Variants in ANKRD11 observed in about 807,000 individuals in gnomAD.
The protein encoded by ANKRD11 is ankyrin repeat domain 11.
In ANKRD11, 17 loss-of-function variants were observed where a neutral mutation model predicts 195.7. The observed-to-expected ratio is 0.09, with a 90% CI of 0.06 to 0.13. The LOEUF is 0.13. Ranked by LOEUF, ANKRD11 falls within the 10% of genes least tolerant of loss-of-function variation. ANKRD11 has a pLI of 1.00. For missense variants in ANKRD11, 3,735 were observed against 3,566.1 expected, an observed-to-expected ratio of 1.05 and a Z score of -1.21; for synonymous variants, 1,953 against 1,528.1, an observed-to-expected ratio of 1.28 and a Z score of -6.49.
At chr16:89,464,322 A>C (rs2056807493) in intron 1 of ANKRD11, among the ~76,000 whole-genome samples, 1 of 151,972 alleles carries the variant, frequency 6.6e-6, no homozygotes, top group Non-Finnish European at 1.5e-5. Flanking sequence ...GAAAAGAATA[A>C]ATCTGGCAGA....
intron 1 of ANKRD11, among the ~76,000 whole-genome samples, chr16:89,460,218 A>G (rs2056603969): frequency 6.6e-6 from 1 of 152,148 alleles, no homozygotes; most frequent in South Asian, 2.1e-4. Flanking sequence ...AGCCTGGGCA[A>G]CAGACTAAGA....
intron 7 of ANKRD11, chr16:89,287,215 C>T (rs117025797): frequency 2.4e-4 from 177 of 733,922 alleles, no homozygotes; most frequent in Non-Finnish European, 2.9e-4. Context: ...AGGCCAGCAG[C>T]GCAGGTGCGG....
chr16:89,324,980 AG>A (rs1306514915), intron 2 of ANKRD11: 1 of 164,398 alleles, frequency 6.1e-6, no homozygotes, highest in East Asian at 1.9e-4. Flanking sequence ...GTACTGGTGA[AG>A]GGGTGGAGCA....
At chr16:89,482,965 A>C (rs909780941) in intron 1 of ANKRD11, among the ~76,000 whole-genome samples, 3 of 152,216 alleles carry the variant, frequency 2.0e-5, no homozygotes, top group Non-Finnish European at 2.9e-5. Context: ...ATTTTAGCCC[A>C]GGCAGATCAT....
rs549552533 is a variant in ANKRD11 at position 89,358,999 on chromosome 16, A to AT, written c.-59-41922dup. 1.2e-3 allele frequency among the ~76,000 whole-genome samples: 190 copies of AT among 152,124 alleles called. 1 individual carries two copies. The highest frequency in any genetic ancestry group is 0.011 in the Admixed American group (175 of 15,280). On this transcript the variant is annotated intron_variant, in intron 2 of 12. Coordinates refer to ENST00000301030, the MANE Select transcript of ANKRD11 (RefSeq NM_013275.6). ...CACCACCACACCTGGCTAATTTTCT[A>AT]TTTTTTGTAAAGACAAGGCTATACA...
chr16:89,317,368 G>A (rs1355354404), intron 2 of ANKRD11, among the ~76,000 whole-genome samples: 2 of 152,202 alleles, frequency 1.3e-5, no homozygotes, highest in Admixed American at 1.3e-4. Context: ...GTTCTGGGTG[G>A]CAGTCAGCAG....
chr16:89,357,121 T>G (rs2039520384), intron 2 of ANKRD11, among the ~76,000 whole-genome samples: 1 of 152,124 alleles, frequency 6.6e-6, no homozygotes, highest in African/African-American at 2.4e-5. Context: ...AGGGACAGTG[T>G]AAGGAAGGTG....
Position 89,355,867 on chromosome 16 carries a change from T to C in ANKRD11, c.-59-38789A>G, listed in dbSNP as rs997452522. 7.9e-5 allele frequency among the ~76,000 whole-genome samples: 12 copies of C among 151,834 alleles called. No homozygotes were observed. In the East Asian group the frequency reaches 2.1e-3, roughly 27 times the overall value. On this transcript the variant is annotated intron_variant, in intron 2 of 12. Transcript: ENST00000301030. ...CCCAATGGAAAGGCAGAGTGACCGA[T>C]GAGATAAACACCACAGGAACAGGGT...
intron 5 of ANKRD11, 63 bp from the exon 6 acceptor site, chr16:89,290,891 C>T: frequency 6.2e-7 from 1 of 1,610,146 alleles, no homozygotes; most frequent in South Asian, 1.1e-5. Context: ...GTCCAATCTT[C>T]AAGAGCCCAG....
chr16:89,286,499 G>A (rs945598111), intron 7 of ANKRD11: 31 of 516,170 alleles, frequency 6.0e-5, no homozygotes, highest in South Asian at 8.1e-5. Flanking sequence ...GCAAGTAGAC[G>A]ACTTCCCAGG....
At chr16:89,350,258 G>C (rs2039147446) in intron 2 of ANKRD11, among the ~76,000 whole-genome samples, 3 of 152,298 alleles carry the variant, frequency 2.0e-5, no homozygotes, top group Admixed American at 2.0e-4. Context: ...GGTCACTTTG[G>C]AAAAGAGTCT....
chr16:89,447,376 G>C (rs1382667617), intron 1 of ANKRD11, among the ~76,000 whole-genome samples: 3 of 152,062 alleles, frequency 2.0e-5, no homozygotes, highest in Non-Finnish European at 4.4e-5. Context: ...CTCAACAAGG[G>C]GGCCTGAGGT....
intron 1 of ANKRD11, 109 bp downstream of exon 1, chr16:89,490,136 G>A (rs1182646022): frequency 2.1e-5 from 3 of 139,554 alleles, no homozygotes; most frequent in African/African-American, 7.7e-5. Flanking sequence ...GGCCCGCCCG[G>A]AGGCCCGCGG....
intron 1 of ANKRD11, among the ~76,000 whole-genome samples, chr16:89,471,049 C>A (rs1215704686): frequency 6.6e-6 from 1 of 151,314 alleles, no homozygotes; most frequent in Non-Finnish European, 1.5e-5. Flanking sequence ...TTCCTACATC[C>A]TCAATTTAAA....
At chr16:89,275,678 G>C (rs1160784180) in intron 9 of ANKRD11, among the ~76,000 whole-genome samples, 1 of 152,048 alleles carries the variant, frequency 6.6e-6, no homozygotes, top group African/African-American at 2.4e-5. Flanking sequence ...CAGTGGCTCG[G>C]GGGAGGGAAG....
intron 1 of ANKRD11, among the ~76,000 whole-genome samples, chr16:89,466,454 A>G (rs2056888487): frequency 6.6e-6 from 1 of 152,144 alleles, no homozygotes. Flanking sequence ...AAAAATCACT[A>G]AACTGTGAGC....
chr16:89,473,230 C>T (rs1390189563), intron 1 of ANKRD11, among the ~76,000 whole-genome samples: 1 of 151,274 alleles, frequency 6.6e-6, no homozygotes, highest in Non-Finnish European at 1.5e-5. Context: ...GATGAGTAGG[C>T]ATCAGTCAGG....
chr16:89,285,064 C>G lies in ANKRD11; in HGVS notation c.1478G>C (p.Arg493Thr), dbSNP rs1257536855. The change falls in exon 9 of 13, where the codon AGG (arginine) becomes ACG (threonine). Residue 493 changes from arginine (R) to threonine (T), a missense_variant. By Grantham distance (71) the Arg-to-Thr change is moderately conservative. Transcript: ENST00000301030. The surrounding 1 kb of genome is among the most constrained non-coding windows in gnomAD (Gnocchi z 5.6). ...SESSESGEDD[R>T]DSLGSSGCLK... ...GCAGCCAGAGCTCCCCAGAGAGTCC[C>G]TGTCATCCTCCCCACTCTCTGAGGA... 6.2e-7 allele frequency: 1 copy of G among 1,613,956 alleles called. No homozygotes were observed. The highest frequency in any genetic ancestry group is 1.1e-5 in the South Asian group (1 of 91,084).
intron 11 of ANKRD11, 61 bp downstream of exon 11, chr16:89,274,753 G>A (rs2037811661): frequency 6.3e-7 from 1 of 1,599,166 alleles, no homozygotes; most frequent in Admixed American, 1.7e-5. Context: ...ATCAAGGGGA[G>A]GGGAGGCGGG....
Sources: allele counts gnomAD v4.1 joint callset (sites outside exome capture counted in the v4.1 genomes callset), GRCh38; gene constraint gnomAD v4.1.1; non-coding constraint Gnocchi (gnomAD v3.1); transcripts MANE v1.5; gene names NCBI Gene and HGNC (gene_info 2026-07-23, HGNC 2026-07-21).